BCL6: variants seen among roughly 807,000 people sequenced by gnomAD.
BCL6 encodes the protein BCL6 transcription repressor.
A neutral mutation model predicts 59.5 loss-of-function variants in BCL6; 7 were observed. That is an observed-to-expected ratio of 0.12 (90% CI 0.07 to 0.22). BCL6 has a LOEUF of 0.22. BCL6 is among the 10% of genes least tolerant of loss of function. BCL6 has a pLI of 1.00. For missense variants in BCL6, 685 were observed against 939.4 expected (o/e 0.73, Z 3.54); for synonymous variants, 339 against 349.7 (o/e 0.97, Z 0.34).
chr3:187,724,808 C>T, intron 9 of BCL6, 133 bp downstream of exon 9: 5 of 1,288,230 alleles, frequency 3.9e-6, no homozygotes, highest in Non-Finnish European at 4.3e-6. Context: ...GTAGTGGTTG[C>T]CCCACTGTGT....
rs1443386916 is a variant in BCL6, at chr3:187,726,815, T to C, written c.1624A>G (p.Ser542Gly). Residue 542 changes from serine (S) to glycine (G), a missense_variant, in exon 7 of 10, where the codon AGT becomes GGT. Physicochemically the swap from Ser to Gly is moderately conservative, Grantham distance 56 (BLOSUM62 0). Coordinates refer to ENST00000406870, the MANE Select transcript of BCL6 (RefSeq NM_001706.5). ...SLKRHTLQTH[S>G]DKPYKCDRCQ... is the part of the protein sequence containing the mutation. The stretch of plus-strand genomic sequence containing the variant: ...CGGTCACACTTGTAGGGTTTGTCAC[T>C]GTGGGTCTGCAGCGTGTGCCTCTTG... The C allele has an allele frequency of 1.2e-6, 2 of 1,614,230 alleles. No individual in the cohort carries two copies. The highest frequency in any genetic ancestry group is 3.3e-5 in the Admixed American group (2 of 60,032).
chr3:187,721,798 T>C lies in BCL6; in HGVS notation c.*660A>G. 1 of 231,048 alleles carries C rather than the reference T, an allele frequency of 4.3e-6. No individual in the cohort carries two copies. The allele number at this position is 231,048 out of a possible 1,614,324, so 14.3% of individuals were successfully genotyped here. ...ATACACTGAGGCATTTTAGACAAAATATTTTCTTACTTATACAGATGCAAT... is the reference window on the plus strand; with the variant it reads ...ATACACTGAGGCATTTTAGACAAAACATTTTCTTACTTATACAGATGCAAT... On this transcript the variant is annotated 3_prime_UTR_variant, in exon 10 of 10. Transcript: ENST00000406870. The surrounding 1 kb of genome is among the most constrained non-coding windows in gnomAD (Gnocchi z 4.2).
rs528353546 is a variant in BCL6, at chr3:187,725,574, G to A, written c.1764C>T (p.Asn588=). Residue 588 remains asparagine, a synonymous_variant, in exon 8 of 10, where the codon AAC becomes AAT. Coordinates refer to ENST00000406870, the MANE Select transcript of BCL6 (RefSeq NM_001706.5). This position sits in a 1 kb window ranked among gnomAD's most constrained non-coding sequence, Gnocchi z 4.7. The part of the protein sequence containing the change: ...ICGAQFNRPA[N]LKTHTRIHSG... ...AGTGAATTCGAGTGTGGGTTTTCAG[G>A]TTGGCTGGCCGGTTGAACTGGGCCC... 4 of 1,614,224 alleles carry A rather than the reference G, an allele frequency of 2.5e-6. No individual in the cohort carries two copies. In the African/African-American group the frequency reaches 5.3e-5, roughly 22 times the overall value.
chr3:187,722,281 T>A lies in BCL6; in HGVS notation c.*177A>T, dbSNP rs1031901566. On this transcript the variant is annotated 3_prime_UTR_variant, in exon 10 of 10. Transcript: ENST00000406870. Reference sequence around the variant, plus strand: ...TTTATGGCAGTGGGGGAGGGGGAGCTGCTGCGGCTCCCAGTCCCCCAGGCC... The same window carrying A: ...TTTATGGCAGTGGGGGAGGGGGAGCAGCTGCGGCTCCCAGTCCCCCAGGCC... 1.4e-5 allele frequency: 9 copies of A among 639,448 alleles called. No individual in the cohort carries two copies. The highest frequency in any genetic ancestry group is 1.9e-5 in the Non-Finnish European group (8 of 414,330). 39.6% of individuals were successfully genotyped at this position (639,448 alleles called of 1,614,324 possible). A position where few individuals can be genotyped will look rare whatever the true frequency, so the allele number is the denominator to read the frequency against.
At position 187,733,585 on chromosome 3, in the gene BCL6, C is replaced by G; in HGVS notation, c.109G>C (p.Val37Leu). 6.2e-7 allele frequency: 1 copy of G among 1,614,114 alleles called. No homozygotes were observed. The highest frequency in any genetic ancestry group is 8.5e-7 in the Non-Finnish European group (1 of 1,180,014). Residue 37 changes from valine (V) to leucine (L), a missense_variant, in exon 3 of 10, where the codon GTT becomes CTT. Physicochemically the swap from Val to Leu is conservative, Grantham distance 32 (BLOSUM62 1). Coordinates refer to ENST00000406870, the MANE Select transcript of BCL6 (RefSeq NM_001706.5). ...SRDILTDVVIVVSREQFRAHK... is the reference protein window; with the variant it reads ...SRDILTDVVILVSREQFRAHK... ...GCTCTAAACTGCTCACGGCTCACAACAATGACAACATCAGTCAAGATGTCT... is the reference window on the plus strand; with the variant it reads ...GCTCTAAACTGCTCACGGCTCACAAGAATGACAACATCAGTCAAGATGTCT...
chr3:187,744,901 A>C (rs533087810), intron 1 of BCL6, among the ~76,000 whole-genome samples: 1 of 152,208 alleles, frequency 6.6e-6, no homozygotes, highest in East Asian at 1.9e-4. Context: ...AAGCAGCAGC[A>C]GAAAGAGCGA....
intron 6 of BCL6, among the ~76,000 whole-genome samples, chr3:187,727,464 A>G (rs1718771834): frequency 6.6e-6 from 1 of 152,248 alleles, no homozygotes; most frequent in South Asian, 2.1e-4. Flanking sequence ...AGGAGGAATC[A>G]ATGACGAACA....
intron 6 of BCL6, 55 bp from the exon 7 acceptor site, chr3:187,726,953 C>G (rs970948875): frequency 2.5e-5 from 40 of 1,585,826 alleles, no homozygotes; most frequent in Middle Eastern, 3.4e-4. Flanking sequence ...GGAGGTAGGG[C>G]TCTAAGGCCG....
At chr3:187,724,055 G>A (rs896531970) in intron 9 of BCL6, among the ~76,000 whole-genome samples, 5 of 152,134 alleles carry the variant, frequency 3.3e-5, no homozygotes, top group African/African-American at 9.7e-5. Flanking sequence ...CTCACAGCTT[G>A]ATCAACAAGT....
intron 1 of BCL6, among the ~76,000 whole-genome samples, chr3:187,738,746 T>A (rs1384419314): frequency 6.6e-6 from 1 of 152,064 alleles, no homozygotes; most frequent in Non-Finnish European, 1.5e-5. Context: ...GCGCCGCTCA[T>A]CCCTTCTGCG....
At chr3:187,736,749 C>G (rs1043627556) in intron 1 of BCL6, 1 of 108,836 alleles carries the variant, frequency 9.2e-6, no homozygotes, top group Non-Finnish European at 1.9e-5. Context: ...AAGAACCAGC[C>G]CCCCCCAACT....
chr3:187,744,148 A>T, intron 1 of BCL6, among the ~76,000 whole-genome samples: 1 of 152,132 alleles, frequency 6.6e-6, no homozygotes, highest in East Asian at 1.9e-4. Context: ...AAAATTTAGG[A>T]AAGGGAGGCA....
rs1317812968 is a variant in BCL6 at position 187,731,738 on chromosome 3, C to T, written c.354G>A (p.Val118=). 6.2e-7 allele frequency: 1 copy of T among 1,614,094 alleles called. No individual in the cohort carries two copies. Among genetic ancestry groups the T allele is most frequent in the South Asian group, 1.1e-5 (1 of 91,078 alleles). The change falls in exon 4 of 10, where the codon GTG becomes GTA. Residue 118 remains valine (V), a synonymous_variant. Transcript: ENST00000406870. ...TAMYLQMEHV[V]DTCRKFIKAS... ...CCTTAATAAACTTCCGGCAAGTGTC[C>T]ACAACATGCTCCATCTGCAGGTACA... is the stretch of plus-strand genomic sequence containing the variant.
At position 187,729,783 on chromosome 3, in the gene BCL6, A is replaced by G; in HGVS notation, c.622T>C (p.Phe208Leu). Residue 208 changes from phenylalanine (F) to leucine (L), a missense_variant, in exon 5 of 10, where the codon TTC becomes CTC. Coordinates refer to ENST00000406870, the MANE Select transcript of BCL6 (RefSeq NM_001706.5). This position sits in a 1 kb window ranked among gnomAD's most constrained non-coding sequence, Gnocchi z 5.6. Reference sequence around the variant, plus strand: ...ACATCCCGAAACTCCTCATCGGAGAAGAGGAGGCTGCTGACAGGGAGGTGG... The same window carrying G: ...ACATCCCGAAACTCCTCATCGGAGAGGAGGAGGCTGCTGACAGGGAGGTGG... ...YSHLPVSSLL[F>L]SDEEFRDVRM... is the part of the protein sequence containing the mutation. The G allele has an allele frequency of 6.2e-7, 1 of 1,614,184 alleles. No individual in the cohort carries two copies. Among genetic ancestry groups the G allele is most frequent in the South Asian group, 1.1e-5 (1 of 91,078 alleles).
chr3:187,728,723 G>A (rs750595510), intron 5 of BCL6, among the ~76,000 whole-genome samples, 179 bp from the exon 6 acceptor site: 5 of 151,998 alleles, frequency 3.3e-5, no homozygotes, highest in Non-Finnish European at 7.4e-5. Flanking sequence ...CACTGACCAG[G>A]GTCAAACTGA....
rs376846160 is a variant in BCL6, at chr3:187,725,330, C to T, written c.1839+169G>A. ...CTCACCTGCCCGCTCTGCTCACCTGCACACGGGGACTGAGTGGGACTTTCT... is the reference window on the plus strand; with the variant it reads ...CTCACCTGCCCGCTCTGCTCACCTGTACACGGGGACTGAGTGGGACTTTCT... On this transcript the variant is annotated intron_variant, in intron 8 of 9. Coordinates refer to ENST00000406870, the MANE Select transcript of BCL6 (RefSeq NM_001706.5). The surrounding 1 kb of genome is among the most constrained non-coding windows in gnomAD (Gnocchi z 4.7). Among the ~76,000 whole-genome samples, 2 of 151,318 alleles carry T rather than the reference C, an allele frequency of 1.3e-5. No homozygotes were observed. The highest frequency in any genetic ancestry group is 6.6e-5 in the Admixed American group (1 of 15,204).
intron 1 of BCL6, among the ~76,000 whole-genome samples, chr3:187,735,192 A>G (rs554787813): frequency 9.2e-5 from 14 of 152,362 alleles, no homozygotes; most frequent in African/African-American, 3.4e-4. Flanking sequence ...TCCTTCTTCA[A>G]AGAAAAAATT....
At chr3:187,745,046 C>G (rs1711859459) in intron 1 of BCL6, among the ~76,000 whole-genome samples, 1 of 152,102 alleles carries the variant, frequency 6.6e-6, no homozygotes, top group African/African-American at 2.4e-5. Context: ...CCTCCACCTC[C>G]TTTCCAAAAA....
intron 1 of BCL6, among the ~76,000 whole-genome samples, chr3:187,744,119 C>G (rs112069970): frequency 1.3e-5 from 2 of 152,164 alleles, no homozygotes; most frequent in South Asian, 2.1e-4. Flanking sequence ...AGAGCTTGCA[C>G]CATGGGAAAA....
Sources: gnomAD v4.1 joint callset for allele counts (sites outside exome capture counted in the v4.1 genomes callset) on GRCh38, gnomAD v4.1.1 for gene constraint, Gnocchi (gnomAD v3.1) non-coding constraint, MANE v1.5 for transcripts, NCBI Gene and HGNC (gene_info 2026-07-23, HGNC 2026-07-21) for gene names.